TRHDE: variants seen among roughly 807,000 people sequenced by gnomAD.
TRHDE encodes the protein thyrotropin releasing hormone degrading enzyme.
A neutral mutation model predicts 125.7 loss-of-function variants in TRHDE; 72 were observed. That is an observed-to-expected ratio of 0.57 (90% CI 0.47 to 0.70). The LOEUF is 0.70. TRHDE is among the 30% of genes least tolerant of loss of function. TRHDE has a pLI of 0.00. For missense variants in TRHDE, 1,110 were observed against 1,327.1 expected (o/e 0.84, Z 2.54); for synonymous variants, 509 against 509.1 (o/e 1.00, Z 0.00).
intron 2 of TRHDE, among the ~76,000 whole-genome samples, chr12:72,331,018 C>A (rs1379600544): frequency 4.6e-5 from 7 of 152,188 alleles, no homozygotes; most frequent in African/African-American, 1.7e-4. Context: ...ATTTTGAAAA[C>A]CACTGCCGAC....
In TRHDE at chr12:72,652,422, G is replaced by A; in HGVS notation, c.2776G>A (p.Ala926Thr). ...ATGGATGAAATTCCATTCCACCACA[G>A]CAGTTTCTGAGAAGAAAATATTATT... is the stretch of plus-strand genomic sequence containing the variant. ...FIWMKFHSTTAVSEKKILLEA... is the reference protein window; with the variant it reads ...FIWMKFHSTTTVSEKKILLEA... Residue 926 changes from alanine (A) to threonine (T), a missense_variant, in exon 16 of 19, where the codon GCA becomes ACA. Transcript: ENST00000261180. 6.2e-7 allele frequency: 1 copy of A among 1,607,916 alleles called. No individual in the cohort carries two copies. Among genetic ancestry groups the A allele is most frequent in the Non-Finnish European group, 8.5e-7 (1 of 1,176,716 alleles).
chr12:72,629,748 C>G (rs1317715860), intron 15 of TRHDE, among the ~76,000 whole-genome samples: 1 of 151,578 alleles, frequency 6.6e-6, no homozygotes, highest in African/African-American at 2.4e-5. Flanking sequence ...CCAACCACTA[C>G]AAAGAAGAGA....
intron 3 of TRHDE, among the ~76,000 whole-genome samples, chr12:72,402,845 A>G (rs904691640): frequency 6.6e-6 from 1 of 151,988 alleles, no homozygotes; most frequent in African/African-American, 2.4e-5. Flanking sequence ...CATGTTGGAG[A>G]GACCATCTGA....
At chr12:72,115,765 G>T (rs553157964) in intron 2 of TRHDE, among the ~76,000 whole-genome samples, 2 of 152,008 alleles carry the variant, frequency 1.3e-5, no homozygotes, top group Non-Finnish European at 2.9e-5. Context: ...GATGATGTCT[G>T]GTAGTTTTGG....
chr12:72,595,125 A>C (rs1452872716), intron 12 of TRHDE, among the ~76,000 whole-genome samples: 2 of 61,354 alleles, frequency 3.3e-5, no homozygotes, highest in Non-Finnish European at 5.9e-5. Context: ...GGGTGGGGGG[A>C]GGGGGGAGGG....
chr12:72,659,755 T>G (rs938478968), intron 18 of TRHDE, among the ~76,000 whole-genome samples: 2 of 152,176 alleles, frequency 1.3e-5, no homozygotes, highest in African/African-American at 4.8e-5. Flanking sequence ...TTTATAAAAG[T>G]GCCTAAAGTT....
At position 72,380,730 on chromosome 12, in the gene TRHDE, C is replaced by G. The variant is rs113599401; in HGVS notation, c.1315+2609C>G. Reference sequence around the variant, plus strand: ...TCCTTCCTTCCTTCCTTCCTTCCTTCCTTGCTTCCTTCCTTCCTTCCTTCC... The same window carrying G: ...TCCTTCCTTCCTTCCTTCCTTCCTTGCTTGCTTCCTTCCTTCCTTCCTTCC... On this transcript the variant is annotated intron_variant, in intron 3 of 18. Coordinates refer to ENST00000261180, the MANE Select transcript of TRHDE (RefSeq NM_013381.3). 5.5e-4 allele frequency among the ~76,000 whole-genome samples: 55 copies of G among 99,898 alleles called. No homozygotes were observed. In the East Asian group the frequency reaches 0.01, roughly 18 times the overall value. The allele number at this position is 99,898 out of a possible 152,430, so 65.5% of individuals were successfully genotyped here.
At position 72,156,401 on chromosome 12, in the gene TRHDE, C is replaced by T. The variant is rs638624; in HGVS notation, n.279+50649C>T. 1.3e-5 allele frequency among the ~76,000 whole-genome samples: 2 copies of T among 152,272 alleles called. 1 individual carries two copies. Among genetic ancestry groups the T allele is most frequent in the South Asian group, 4.2e-4 (2 of 4,818 alleles). On this transcript the variant is annotated intron_variant and non_coding_transcript_variant, in intron 2 of 4. Coordinates refer to the TRHDE transcript ENST00000548156. ...ATGCTCGGTGCACTGCACCCACTGT[C>T]CTACACCCACTGTCCGACATTCCCC...
At position 72,388,098 on chromosome 12, in the gene TRHDE, C is replaced by T. The variant is rs569023087; in HGVS notation, c.1315+9977C>T. The stretch of plus-strand genomic sequence containing the variant: ...TCTGTTTCAGCTGCACTGCATTCCT[C>T]GCTGTTTCTCCAACAGGCCAAACCC... On this transcript the variant is annotated intron_variant, in intron 3 of 18. Coordinates refer to ENST00000261180, the MANE Select transcript of TRHDE (RefSeq NM_013381.3). Among the ~76,000 whole-genome samples the T allele has an allele frequency of 2.8e-4, 42 of 152,118 alleles. 1 individual carries two copies. Among genetic ancestry groups the T allele is most frequent in the Admixed American group, 2.5e-3 (38 of 15,268 alleles).
intron 5 of TRHDE, among the ~76,000 whole-genome samples, chr12:72,493,292 A>G (rs750393670): frequency 1.3e-5 from 2 of 151,954 alleles, no homozygotes; most frequent in Admixed American, 6.6e-5. Context: ...TTGGATATCT[A>G]TATTTGCATC....
At chr12:72,226,464 TAAA>T (rs1878130026) in intron 2 of TRHDE, among the ~76,000 whole-genome samples, 1 of 152,200 alleles carries the variant, frequency 6.6e-6, no homozygotes, top group South Asian at 2.1e-4. Flanking sequence ...GGAAACTCTT[TAAA>T]ATAGGGTCAA....
chr12:72,415,685 T>G (rs1555184367), intron 3 of TRHDE, among the ~76,000 whole-genome samples: 2 of 151,994 alleles, frequency 1.3e-5, no homozygotes, highest in Non-Finnish European at 2.9e-5. Context: ...CACAATATGC[T>G]CCAGTGCCAT....
At chr12:72,593,720 G>A (rs551430637) in intron 12 of TRHDE, among the ~76,000 whole-genome samples, 109 of 151,534 alleles carry the variant, frequency 7.2e-4, no homozygotes, top group African/African-American at 2.5e-3. Context: ...CTGTGTCCAT[G>A]TGTTCTCATT....
chr12:72,548,834 G>T (rs1869542990), intron 7 of TRHDE, among the ~76,000 whole-genome samples: 1 of 151,562 alleles, frequency 6.6e-6, no homozygotes. Context: ...CATTCTTCAT[G>T]TTGTTATGAG....
At chr12:72,601,891 T>C (rs1872222141) in intron 12 of TRHDE, among the ~76,000 whole-genome samples, 1 of 152,198 alleles carries the variant, frequency 6.6e-6, no homozygotes, top group Admixed American at 6.5e-5. Flanking sequence ...ACTTGCTTTA[T>C]TGCGGTATTC....
chr12:72,469,566 G>T lies in TRHDE; in HGVS notation c.1316-192G>T, dbSNP rs550444864. 1.2e-4 allele frequency among the ~76,000 whole-genome samples: 19 copies of T among 152,248 alleles called. No individual in the cohort carries two copies. The South Asian group carries it at 3.9e-3, about 32-fold the overall frequency. ...AAAATGAACTGTGATGAATGGATAT[G>T]ACCAGCATTTGCAGTGATAGCCTAT... On this transcript the variant is annotated intron_variant, in intron 3 of 18. Coordinates refer to ENST00000261180, the MANE Select transcript of TRHDE (RefSeq NM_013381.3).
intron 14 of TRHDE, 51 bp from the exon 15 acceptor site, chr12:72,621,593 T>C: frequency 7.5e-7 from 1 of 1,332,522 alleles, no homozygotes; most frequent in Non-Finnish European, 1.1e-6. Flanking sequence ...ATTTAGGGAA[T>C]GAATTTCCCT....
At chr12:72,335,174 TA>T (rs1297058902) in intron 2 of TRHDE, among the ~76,000 whole-genome samples, 5 of 152,160 alleles carry the variant, frequency 3.3e-5, no homozygotes, top group African/African-American at 1.2e-4. Context: ...TGAGGCAACA[TA>T]AAATTATAAA....
chr12:72,253,435 C>T (rs1454167051), intron 2 of TRHDE: 2 of 152,116 alleles, frequency 1.3e-5, no homozygotes, highest in African/African-American at 2.4e-5. Context: ...GTGGTGAGAA[C>T]TGAATCTTTG....
Sources: gnomAD v4.1 joint callset for allele counts (sites outside exome capture counted in the v4.1 genomes callset) on GRCh38, gnomAD v4.1.1 for gene constraint, MANE v1.5 for transcripts, NCBI Gene and HGNC (gene_info 2026-07-23, HGNC 2026-07-21) for gene names.